PSD3: variants seen among roughly 807,000 people sequenced by gnomAD.
The protein encoded by PSD3 is PH and SEC7 domain-containing protein 3.
Under a neutral mutation model 105.5 loss-of-function variants are expected in PSD3, and 49 were observed. That is an observed-to-expected ratio of 0.46 (90% CI 0.37 to 0.59). The LOEUF is 0.59. Ranked by LOEUF, PSD3 falls within the 20% of genes least tolerant of loss-of-function variation. PSD3 has a pLI of 0.00. For missense variants in PSD3, 1,561 were observed against 1,263.8 expected (o/e 1.24, Z -3.57); for synonymous variants, 557 against 457.8 (o/e 1.22, Z -2.77).
At chr8:18,811,450 G>T (rs960631602) in intron 4 of PSD3, among the ~76,000 whole-genome samples, 2 of 152,158 alleles carry the variant, frequency 1.3e-5, no homozygotes, top group African/African-American at 4.8e-5. Flanking sequence ...TCTACCCTGG[G>T]TGGGGAGGGG....
At chr8:18,559,329 A>G (rs945497693) in intron 14 of PSD3, among the ~76,000 whole-genome samples, 1 of 152,222 alleles carries the variant, frequency 6.6e-6, no homozygotes, top group African/African-American at 2.4e-5. Context: ...AGAAATGATA[A>G]GCCACTGTGA....
intron 6 of PSD3, among the ~76,000 whole-genome samples, chr8:18,804,198 TA>T (rs1246220082): frequency 6.6e-6 from 1 of 152,216 alleles, no homozygotes; most frequent in Non-Finnish European, 1.5e-5. Context: ...ATAAGAAATC[TA>T]AAATGCTTCA....
chr8:18,715,090 T>C (rs955209545), intron 9 of PSD3, among the ~76,000 whole-genome samples: 1 of 152,140 alleles, frequency 6.6e-6, no homozygotes, highest in East Asian at 1.9e-4. Flanking sequence ...GGAGAACCCG[T>C]GGACACAGGG....
At chr8:18,784,839 T>G (rs943513669) in intron 8 of PSD3, among the ~76,000 whole-genome samples, 9 of 152,112 alleles carry the variant, frequency 5.9e-5, no homozygotes, top group African/African-American at 1.7e-4. Context: ...ACCCCATACT[T>G]TGGGTTTTTA....
At chr8:18,541,172 AC>A (rs1800131071) in intron 15 of PSD3, among the ~76,000 whole-genome samples, 1 of 132,756 alleles carries the variant, frequency 7.5e-6, no homozygotes, top group African/African-American at 2.6e-5. Flanking sequence ...AAAAAAAAAA[AC>A]CTTTTGATTT....
chr8:18,626,302 A>T (rs746486055), intron 11 of PSD3, among the ~76,000 whole-genome samples: 11 of 152,002 alleles, frequency 7.2e-5, no homozygotes, highest in Middle Eastern at 3.2e-3. Flanking sequence ...ATTTGAGACA[A>T]GTGTATCAGC....
chr8:19,041,660 T>C (rs764511), intron 1 of PSD3, among the ~76,000 whole-genome samples: 28,040 of 152,224 alleles, frequency 0.18, 4,131 homozygotes, highest in African/African-American at 0.41. Flanking sequence ...AGTCAATATG[T>C]ATCAGGTAAA....
chr8:18,753,768 C>T (rs1402866447), intron 9 of PSD3, among the ~76,000 whole-genome samples: 1 of 152,116 alleles, frequency 6.6e-6, no homozygotes, highest in Non-Finnish European at 1.5e-5. Context: ...CAATCTATTT[C>T]ACACTCCCTG....
intron 1 of PSD3, among the ~76,000 whole-genome samples, chr8:18,975,314 A>AAATTTT (rs1491401616): frequency 6.9e-6 from 1 of 144,316 alleles, no homozygotes; most frequent in Non-Finnish European, 1.5e-5. Flanking sequence ...ATTTTCTGAA[A>AAATTTT]TTTTTTTTTT....
intron 14 of PSD3, among the ~76,000 whole-genome samples, chr8:18,558,388 G>A (rs1801203717): frequency 6.6e-6 from 1 of 152,058 alleles, no homozygotes. Flanking sequence ...CATATTGAAT[G>A]ATATATGAAA....
intron 9 of PSD3, among the ~76,000 whole-genome samples, chr8:18,764,071 A>G (rs1213015573): frequency 6.6e-6 from 1 of 152,140 alleles, no homozygotes; most frequent in South Asian, 2.1e-4. Context: ...TCCGCCAAAC[A>G]TGCTCTAAAT....
At chr8:18,874,532 C>CTG (rs1335741529) in intron 2 of PSD3, among the ~76,000 whole-genome samples, 1 of 151,742 alleles carries the variant, frequency 6.6e-6, no homozygotes, top group Non-Finnish European at 1.5e-5. Flanking sequence ...TTATAAATGT[C>CTG]TGTGTATATA....
At chr8:18,870,947 A>C (rs903009723) in intron 3 of PSD3, among the ~76,000 whole-genome samples, 2 of 151,964 alleles carry the variant, frequency 1.3e-5, no homozygotes, top group African/African-American at 2.4e-5. Context: ...AAGAGTACAA[A>C]AGTTGGCCAG....
intron 1 of PSD3, among the ~76,000 whole-genome samples, chr8:19,049,677 T>A (rs1586667839): frequency 1.1e-5 from 1 of 94,242 alleles, no homozygotes; most frequent in Non-Finnish European, 1.9e-5. Context: ...GGTGACAGAC[T>A]AAGACCCTGT....
At position 19,013,555 on chromosome 8, in the gene PSD3, G is replaced by A. The variant is rs745643047; in HGVS notation, c.21+8C>T. On this transcript the variant is annotated splice_region_variant and intron_variant, in intron 1 of 15. Coordinates refer to ENST00000327040, the MANE Select transcript of PSD3 (RefSeq NM_015310.4). Reference sequence around the variant, plus strand: ...ACCCCGCGCCCGCGCCCCGGCCCCGGAGCTCACCGCTGCGCTCCTTCCTTC... The same window carrying A: ...ACCCCGCGCCCGCGCCCCGGCCCCGAAGCTCACCGCTGCGCTCCTTCCTTC... The A allele has an allele frequency of 5.1e-6, 8 of 1,565,980 alleles. No individual in the cohort carries two copies. In the East Asian group the frequency reaches 1.7e-4, roughly 33 times the overall value.
chr8:18,879,457 T>C (rs1817976780), intron 2 of PSD3, among the ~76,000 whole-genome samples: 1 of 152,186 alleles, frequency 6.6e-6, no homozygotes, highest in Non-Finnish European at 1.5e-5. Flanking sequence ...CCAAGGTCAA[T>C]AAAATGATGT....
chr8:19,080,541 C>G (rs910834756), intron 1 of PSD3, among the ~76,000 whole-genome samples: 2 of 152,182 alleles, frequency 1.3e-5, no homozygotes, highest in African/African-American at 4.8e-5. Context: ...GAAAATAGAC[C>G]TCCATTGCAT....
intron 4 of PSD3, among the ~76,000 whole-genome samples, chr8:18,855,240 G>A (rs983740059): frequency 1.3e-5 from 2 of 152,150 alleles, no homozygotes; most frequent in Non-Finnish European, 2.9e-5. Flanking sequence ...CATGTAATAT[G>A]CCCTTTCAAG....
At chr8:18,772,081 C>T (rs1255105028) in intron 8 of PSD3, among the ~76,000 whole-genome samples, 1 of 152,128 alleles carries the variant, frequency 6.6e-6, no homozygotes, top group South Asian at 2.1e-4. Flanking sequence ...TAAGGCTGAA[C>T]GATTTTCCAT....
Sources: allele counts gnomAD v4.1 joint callset (sites outside exome capture counted in the v4.1 genomes callset), GRCh38; gene constraint gnomAD v4.1.1; transcripts MANE v1.5; gene names NCBI Gene and HGNC (gene_info 2026-07-23, HGNC 2026-07-21).